CCDC148: variants seen among roughly 807,000 people sequenced by gnomAD.
CCDC148 encodes the protein coiled-coil domain containing 148.
A neutral mutation model predicts 85.7 loss-of-function variants in CCDC148; 89 were observed. The ratio of observed to expected loss-of-function variants is 1.04; its 90% CI spans 0.87 to 1.24. The LOEUF (loss-of-function observed/expected upper bound fraction) is 1.24. Ranked by LOEUF, CCDC148 falls within the 50% of genes most tolerant of loss-of-function variation. The pLI, the probability that CCDC148 is intolerant of heterozygous loss-of-function variation, is 0.00. For missense variants in CCDC148, 692 were observed against 671.7 expected (o/e 1.03, Z -0.33); for synonymous variants, 230 against 213.9 (o/e 1.08, Z -0.66).
chr2:158,454,630 G>C (rs1006112505), intron 1 of CCDC148, among the ~76,000 whole-genome samples: 2 of 152,214 alleles, frequency 1.3e-5, no homozygotes, highest in African/African-American at 4.8e-5. Flanking sequence ...CATTGGACAG[G>C]TTTGGAAGTG....
intron 1 of CCDC148, among the ~76,000 whole-genome samples, chr2:158,410,898 A>T (rs1296936345): frequency 6.6e-6 from 1 of 152,098 alleles, no homozygotes; most frequent in Non-Finnish European, 1.5e-5. Flanking sequence ...TCTAGTGGTG[A>T]CAAACCCTTC....
At chr2:158,332,953 T>C (rs1194757129) in intron 7 of CCDC148, among the ~76,000 whole-genome samples, 1 of 152,062 alleles carries the variant, frequency 6.6e-6, no homozygotes, top group Non-Finnish European at 1.5e-5. Context: ...AGCAGTCTAT[T>C]TATTTTGTTA....
At chr2:158,265,505 A>G (rs1315371035) in intron 9 of CCDC148, among the ~76,000 whole-genome samples, 1 of 142,602 alleles carries the variant, frequency 7.0e-6, no homozygotes, top group Non-Finnish European at 1.6e-5. Context: ...TCATTAGTAT[A>G]TAAATTAAAG....
chr2:158,211,164 T>G (rs564394598), intron 11 of CCDC148, among the ~76,000 whole-genome samples: 1 of 151,114 alleles, frequency 6.6e-6, no homozygotes, highest in Non-Finnish European at 1.5e-5. Context: ...TGCACACATA[T>G]CCCAGAACTT....
intron 1 of CCDC148, among the ~76,000 whole-genome samples, chr2:158,421,599 G>A (rs1421232233): frequency 6.6e-6 from 1 of 152,132 alleles, no homozygotes; most frequent in Non-Finnish European, 1.5e-5. Context: ...GTGTGTAGAG[G>A]GAAATTTATA....
At chr2:158,285,681 C>A (rs1253688062) in intron 9 of CCDC148, among the ~76,000 whole-genome samples, 1 of 151,738 alleles carries the variant, frequency 6.6e-6, no homozygotes, top group Non-Finnish European at 1.5e-5. Context: ...CAGGCGCCCA[C>A]CACCACGCCC....
intron 1 of CCDC148, among the ~76,000 whole-genome samples, chr2:158,382,526 C>A (rs918649633): frequency 7.2e-5 from 11 of 152,084 alleles, no homozygotes; most frequent in African/African-American, 2.2e-4. Context: ...CTTATTTGCT[C>A]CAAGATATAT....
chr2:158,279,775 A>C (rs528216541), intron 9 of CCDC148, among the ~76,000 whole-genome samples: 31 of 152,042 alleles, frequency 2.0e-4, no homozygotes, highest in African/African-American at 7.5e-4. Context: ...AATACAGAGA[A>C]CGCCACAAAG....
chr2:158,383,742 T>C (rs993251082), intron 1 of CCDC148, among the ~76,000 whole-genome samples: 3 of 152,114 alleles, frequency 2.0e-5, no homozygotes, highest in South Asian at 2.1e-4. Context: ...GTGTCTTTCC[T>C]ACAAACAAGG....
intron 1 of CCDC148, among the ~76,000 whole-genome samples, chr2:158,437,439 G>C (rs1256979957): frequency 2.0e-5 from 3 of 152,086 alleles, no homozygotes; most frequent in African/African-American, 7.2e-5. Flanking sequence ...GCTTCATGCT[G>C]AAAACTCTTA....
At chr2:158,299,298 T>C in intron 9 of CCDC148, among the ~76,000 whole-genome samples, 1 of 152,216 alleles carries the variant, frequency 6.6e-6, no homozygotes, top group East Asian at 1.9e-4. Context: ...TCTTTTAGCA[T>C]CTCATCCTGC....
At chr2:158,355,477 C>T (rs931828028) in intron 2 of CCDC148, among the ~76,000 whole-genome samples, 2 of 151,584 alleles carry the variant, frequency 1.3e-5, no homozygotes, top group African/African-American at 2.4e-5. Context: ...CTCCCATTCA[C>T]AATTGCTTCA....
At chr2:158,231,188 G>A (rs766747382) in intron 10 of CCDC148, among the ~76,000 whole-genome samples, 12 of 152,140 alleles carry the variant, frequency 7.9e-5, no homozygotes, top group Non-Finnish European at 1.6e-4. Flanking sequence ...TCCAGGATGA[G>A]GATGTGAACA....
In CCDC148 at chr2:158,424,622, C is replaced by T. The variant is rs543248958; in HGVS notation, c.25+31793G>A. 3.3e-4 allele frequency: 52 copies of T among 158,390 alleles called. No homozygotes were observed. The South Asian group carries it at 5.9e-3, about 18-fold the overall frequency. 9.8% of individuals were successfully genotyped at this position (158,390 alleles called of 1,614,324 possible). ...TAGGAAATATACCTAATGTACATGA[C>T]GAGTTAATGGGTGCAGCACACCAAC... On this transcript the variant is annotated intron_variant, in intron 1 of 13. Transcript: ENST00000283233.
chr2:158,378,010 T>C (rs1684725977), intron 1 of CCDC148, among the ~76,000 whole-genome samples: 1 of 152,148 alleles, frequency 6.6e-6, no homozygotes, highest in Non-Finnish European at 1.5e-5. Context: ...GGGAGAATAG[T>C]ACATCTTTAA....
At chr2:158,293,953 T>TCC (rs1691015997) in intron 9 of CCDC148, among the ~76,000 whole-genome samples, 1 of 13,536 alleles carries the variant, frequency 7.4e-5, no homozygotes, top group South Asian at 5.8e-3. Flanking sequence ...TTCCTTCCCC[T>TCC]CTCCCTCCCT....
chr2:158,348,798 A>G (rs933847766), intron 2 of CCDC148, among the ~76,000 whole-genome samples: 3 of 152,116 alleles, frequency 2.0e-5, no homozygotes, highest in Non-Finnish European at 4.4e-5. Flanking sequence ...CCAATTGTGC[A>G]TATGTTTATA....
At chr2:158,261,171 A>G (rs1185730029) in intron 9 of CCDC148, among the ~76,000 whole-genome samples, 1 of 152,120 alleles carries the variant, frequency 6.6e-6, no homozygotes, top group Non-Finnish European at 1.5e-5. Flanking sequence ...AAAAACAGGC[A>G]CATAAACCAA....
chr2:158,371,180 G>C (rs1684424683), intron 1 of CCDC148, among the ~76,000 whole-genome samples: 1 of 151,960 alleles, frequency 6.6e-6, no homozygotes, highest in Non-Finnish European at 1.5e-5. Context: ...AATCCTTCAA[G>C]ATATAAACAT....
Sources: gnomAD v4.1 joint callset for allele counts (sites outside exome capture counted in the v4.1 genomes callset) on GRCh38, gnomAD v4.1.1 for gene constraint, MANE v1.5 for transcripts, NCBI Gene and HGNC (gene_info 2026-07-23, HGNC 2026-07-21) for gene names.